Variants in EYS observed in about 807,000 individuals in gnomAD.
The protein encoded by EYS is EGF-like photoreceptor maintenance factor.
EYS carries 250 observed loss-of-function variants against 282.1 expected under a neutral mutation model. The ratio of observed to expected loss-of-function variants is 0.89; its 90% CI spans 0.80 to 0.98. EYS has a LOEUF of 0.98. Ranked by LOEUF, EYS falls within the 50% of genes least tolerant of loss-of-function variation. The probability of loss-of-function intolerance (pLI) is 0.00; values close to 1 mark genes in which losing one functional copy is unlikely to be tolerated. For synonymous variants in EYS, 1,355 were observed against 1,282.9 expected (o/e 1.06, Z -1.20); for missense variants, 4,016 against 3,709.0 (o/e 1.08, Z -2.15).
chr6:65,687,976 A>G (rs1191995718), intron 1 of EYS, among the ~76,000 whole-genome samples: 1 of 152,238 alleles, frequency 6.6e-6, no homozygotes, highest in Non-Finnish European at 1.5e-5. Flanking sequence ...ATGAGTAGGA[A>G]GAATCAATAT....
At chr6:64,038,241 G>A (rs556761882) in intron 33 of EYS, among the ~76,000 whole-genome samples, 1 of 152,108 alleles carries the variant, frequency 6.6e-6, no homozygotes, top group East Asian at 1.9e-4. Flanking sequence ...TGTTCAGGAG[G>A]TCTATTTCAC....
intron 35 of EYS, among the ~76,000 whole-genome samples, chr6:63,950,392 C>A (rs577701275): frequency 6.6e-6 from 1 of 151,534 alleles, no homozygotes. Context: ...CATGTTGTGA[C>A]CCCCGCCCCT....
chr6:63,809,929 C>G (rs1029011788), intron 36 of EYS, among the ~76,000 whole-genome samples: 3 of 151,874 alleles, frequency 2.0e-5, no homozygotes, highest in Non-Finnish European at 4.4e-5. Flanking sequence ...TTTAATGTGA[C>G]TATTTTTTCC....
intron 15 of EYS, among the ~76,000 whole-genome samples, chr6:64,941,147 G>A (rs1228836000): frequency 2.0e-5 from 3 of 152,014 alleles, no homozygotes; most frequent in Admixed American, 2.0e-4. Context: ...TTGGGAGGCT[G>A]AGGCGGGCAG....
intron 15 of EYS, among the ~76,000 whole-genome samples, chr6:64,915,904 A>C (rs1050682348): frequency 1.3e-5 from 2 of 152,096 alleles, no homozygotes; most frequent in African/African-American, 2.4e-5. Flanking sequence ...CCTCCTCTCA[A>C]GTTCCTGTTT....
At chr6:64,812,754 T>C (rs1764634442) in intron 22 of EYS, among the ~76,000 whole-genome samples, 1 of 144,598 alleles carries the variant, frequency 6.9e-6, no homozygotes, top group Admixed American at 7.5e-5. Flanking sequence ...TGTGTGTATA[T>C]TTTTTAATAC....
intron 12 of EYS, among the ~76,000 whole-genome samples, chr6:65,251,574 A>G (rs1767324958): frequency 6.6e-6 from 1 of 152,024 alleles, no homozygotes; most frequent in Non-Finnish European, 1.5e-5. Context: ...TGGAATAATG[A>G]CATTCCACTC....
intron 26 of EYS, among the ~76,000 whole-genome samples, chr6:64,547,692 G>A (rs1276697137): frequency 6.6e-6 from 1 of 152,230 alleles, no homozygotes; most frequent in East Asian, 1.9e-4. Context: ...GGCTGCAGGT[G>A]GAGTTGCCTA....
intron 13 of EYS, among the ~76,000 whole-genome samples, chr6:65,028,024 C>T (rs927067142): frequency 2.6e-5 from 4 of 152,136 alleles, no homozygotes; most frequent in African/African-American, 9.7e-5. Flanking sequence ...GCATTCCCAT[C>T]ATCAATGACT....
At chr6:64,657,064 A>T (rs1768777217) in intron 22 of EYS, among the ~76,000 whole-genome samples, 1 of 152,194 alleles carries the variant, frequency 6.6e-6, no homozygotes, top group Non-Finnish European at 1.5e-5. Context: ...TATATTTAGG[A>T]TAGTTAGCTC....
chr6:65,208,977 T>A (rs1386759338), intron 12 of EYS, among the ~76,000 whole-genome samples: 1 of 151,812 alleles, frequency 6.6e-6, no homozygotes, highest in Non-Finnish European at 1.5e-5. Context: ...TCCTCAAAAA[T>A]AGGACTTAAA....
intron 1 of EYS, among the ~76,000 whole-genome samples, chr6:65,663,830 G>A (rs1182726695): frequency 1.4e-5 from 2 of 147,804 alleles, no homozygotes; most frequent in Admixed American, 6.8e-5. Context: ...ACGGGCGCCC[G>A]CCACCACGCC....
chr6:64,766,644 AAAAAAATATATATAT>A (rs1189299710), intron 22 of EYS, among the ~76,000 whole-genome samples: 7 of 27,126 alleles, frequency 2.6e-4, no homozygotes, highest in East Asian at 3.2e-3. Context: ...AAAAAAAAAA[AAAAAAATATATATAT>A]ATATATATAT....
chr6:64,153,851 T>G (rs1216813580), intron 31 of EYS, among the ~76,000 whole-genome samples: 1 of 152,218 alleles, frequency 6.6e-6, no homozygotes, highest in Non-Finnish European at 1.5e-5. Context: ...CAAAACTTTT[T>G]ATTTTTGTAG....
At chr6:65,096,282 C>A (rs1332934129) in intron 12 of EYS, among the ~76,000 whole-genome samples, 1 of 150,552 alleles carries the variant, frequency 6.6e-6, no homozygotes, top group East Asian at 1.9e-4. Context: ...TAGGAATAAA[C>A]TTAACCATGG....
intron 13 of EYS, among the ~76,000 whole-genome samples, chr6:65,008,289 G>T (rs1189074001): frequency 6.6e-6 from 1 of 152,042 alleles, no homozygotes; most frequent in Non-Finnish European, 1.5e-5. Flanking sequence ...TCTATTGAAG[G>T]CCAACTAATC....
chr6:63,733,170 TAAAGTC>T (rs1768822404), intron 41 of EYS, among the ~76,000 whole-genome samples: 2 of 152,072 alleles, frequency 1.3e-5, no homozygotes, highest in Non-Finnish European at 2.9e-5. Context: ...TTTTAATAGA[TAAAGTC>T]AGAGAGGTTA....
At position 64,406,689 on chromosome 6, in the gene EYS, C is replaced by T. The variant is rs551745266; in HGVS notation, c.5928-17849G>A. 6.4e-4 allele frequency among the ~76,000 whole-genome samples: 98 copies of T among 152,226 alleles called. 1 individual carries two copies. The highest frequency in any genetic ancestry group is 2.3e-3 in the African/African-American group (94 of 41,554). On this transcript the variant is annotated intron_variant, in intron 28 of 42. Coordinates refer to ENST00000503581, the MANE Select transcript of EYS (RefSeq NM_001142800.2). ...TTCTCAAAAAAAGACATTTATGCAG[C>T]CAACTAACATGAAAAAATGCTCATC...
chr6:64,370,747 G>C (rs1033285439), intron 29 of EYS, among the ~76,000 whole-genome samples: 1 of 151,998 alleles, frequency 6.6e-6, no homozygotes, highest in Non-Finnish European at 1.5e-5. Flanking sequence ...GTTCAATCTT[G>C]TGTGGTTGTA....
Sources: allele counts gnomAD v4.1 joint callset (sites outside exome capture counted in the v4.1 genomes callset), GRCh38; gene constraint gnomAD v4.1.1; transcripts MANE v1.5; gene names NCBI Gene and HGNC (gene_info 2026-07-23, HGNC 2026-07-21).